Variants in ERG observed in about 807,000 individuals in gnomAD.
ERG encodes transcriptional regulator ERG.
In ERG, 9 loss-of-function variants were observed where a neutral mutation model predicts 55.3. The observed-to-expected ratio is 0.16, with a 90% CI of 0.10 to 0.28. The LOEUF (loss-of-function observed/expected upper bound fraction) is 0.28. Among genes scored for constraint, ERG ranks in the 10% least tolerant of loss-of-function variants. The probability of loss-of-function intolerance (pLI) is 1.00; values close to 1 mark genes in which losing one functional copy is unlikely to be tolerated. For missense variants in ERG, 434 were observed against 631.6 expected (o/e 0.69, Z 3.35); for synonymous variants, 223 against 237.3 (o/e 0.94, Z 0.55).
In ERG at chr21:38,556,820, C is replaced by T. The variant is rs1905152272; in HGVS notation, c.-41+18842G>A. On this transcript the variant is annotated intron_variant, in intron 2 of 8. Coordinates refer to the ERG transcript ENST00000398897. ...ACTGAGGAGACCCACCGCACCCAGACCCCCATACTGGACTGTTACAGGAGT... is the reference window on the plus strand; with the variant it reads ...ACTGAGGAGACCCACCGCACCCAGATCCCCATACTGGACTGTTACAGGAGT... 1.3e-5 allele frequency among the ~76,000 whole-genome samples: 2 copies of T among 152,188 alleles called. 1 individual carries two copies. The highest frequency in any genetic ancestry group is 4.8e-5 in the African/African-American group (2 of 41,438).
At chr21:38,639,116 C>T (rs2060408048) in intron 1 of ERG, among the ~76,000 whole-genome samples, 1 of 152,156 alleles carries the variant, frequency 6.6e-6, no homozygotes, top group South Asian at 2.1e-4. Flanking sequence ...AGAGAAAGAG[C>T]TACTTAGACA....
intron 1 of ERG, among the ~76,000 whole-genome samples, chr21:38,583,013 A>G (rs957635581): frequency 3.3e-5 from 5 of 152,262 alleles, no homozygotes; most frequent in African/African-American, 1.2e-4. Context: ...TCCTTAATTT[A>G]GAAATGTATT....
intron 3 of ERG, among the ~76,000 whole-genome samples, chr21:38,419,213 G>A (rs1989428773): frequency 6.6e-6 from 1 of 152,154 alleles, no homozygotes; most frequent in Non-Finnish European, 1.5e-5. Context: ...TACCCTTTGG[G>A]AAGGCACAAT....
At chr21:38,569,382 A>T (rs542699592) in intron 2 of ERG, among the ~76,000 whole-genome samples, 2 of 152,238 alleles carry the variant, frequency 1.3e-5, no homozygotes, top group African/African-American at 4.8e-5. Flanking sequence ...CAAGGAAGTC[A>T]CTTGACCAGC....
intron 2 of ERG, among the ~76,000 whole-genome samples, chr21:38,554,027 A>G (rs1014309116): frequency 3.3e-5 from 5 of 152,126 alleles, no homozygotes; most frequent in African/African-American, 1.2e-4. Context: ...CCAAAAAAAC[A>G]TGAAAAGACA....
rs560427794 is a variant in ERG at position 38,534,563 on chromosome 21, A to T, written c.-41+41099T>A. On this transcript the variant is annotated intron_variant, in intron 2 of 8. Transcript: ENST00000398897. The stretch of plus-strand genomic sequence containing the variant: ...GCTACTATGAAATATAAAAAAAATT[A>T]AAAATAACAATGGTGGCAAAAATAT... Among the ~76,000 whole-genome samples, 126 of 150,494 alleles carry T rather than the reference A, an allele frequency of 8.4e-4. 1 individual carries two copies. Among genetic ancestry groups the T allele is most frequent in the African/African-American group, 2.7e-3 (110 of 40,184 alleles).
intron 1 of ERG, among the ~76,000 whole-genome samples, chr21:38,612,984 T>C (rs34241145): frequency 0.063 from 9,562 of 152,220 alleles, 955 homozygotes; most frequent in African/African-American, 0.22. Flanking sequence ...TTCTAAGCAG[T>C]AGATATTTGC....
intron 3 of ERG, 121 bp from the exon 4 acceptor site, chr21:38,403,830 GCCTCC>G: frequency 8.2e-6 from 7 of 855,674 alleles, no homozygotes; most frequent in East Asian, 2.6e-5. Context: ...CCTCCAGCCA[GCCTCC>G]CTGGCTACCC....
intron 1 of ERG, among the ~76,000 whole-genome samples, chr21:38,635,882 A>T (rs1403599620): frequency 6.6e-6 from 1 of 152,186 alleles, no homozygotes; most frequent in African/African-American, 2.4e-5. Flanking sequence ...AGCTCTTGCA[A>T]TCACTAGTTC....
rs549588426 is a variant in ERG, at chr21:38,626,905, T to A, written c.-150+34753A>T. 3.9e-5 allele frequency among the ~76,000 whole-genome samples: 6 copies of A among 152,310 alleles called. No individual in the cohort carries two copies. In the East Asian group the frequency reaches 7.7e-4, roughly 20 times the overall value. On this transcript the variant is annotated intron_variant, in intron 1 of 10. Coordinates refer to the ERG transcript ENST00000398910. ...AAAGCCAAAAAATTTTGTATTCATT[T>A]TACTTGAAAGTATAATCCCTCATAT... is the stretch of plus-strand genomic sequence containing the variant.
At chr21:38,369,669 C>T in the ERG span, among the ~76,000 whole-genome samples, 3 of 152,104 alleles carry the variant, frequency 2.0e-5, no homozygotes, top group African/African-American at 7.2e-5. Context: ...TTGCTTTTGG[C>T]ATCTTCATCA....
chr21:38,505,965 G>T (rs1263440562), intron 2 of ERG, among the ~76,000 whole-genome samples: 1 of 151,574 alleles, frequency 6.6e-6, no homozygotes, highest in African/African-American at 2.4e-5. Context: ...TTTACAAAGT[G>T]GTCTCATTTT....
chr21:38,544,733 C>T (rs2146803713), intron 2 of ERG, among the ~76,000 whole-genome samples: 1 of 152,274 alleles, frequency 6.6e-6, no homozygotes, highest in South Asian at 2.1e-4. Context: ...GAAAAAAAAT[C>T]TCTAGTGAAA....
Position 38,391,518 on chromosome 21 carries a change from T to C in ERG, c.871+141A>G, listed in dbSNP as rs1987970548. On this transcript the variant is annotated intron_variant, in intron 8 of 9. Coordinates refer to ENST00000288319, the MANE Select transcript of ERG (RefSeq NM_182918.4). The stretch of plus-strand genomic sequence containing the variant: ...CACCTCGCATGAGTAGGCTGATGAC[T>C]TGGGCCCTATCTTATGTATGGAGCT... 9.0e-6 allele frequency: 6 copies of C among 663,040 alleles called. No homozygotes were observed. In the East Asian group the frequency reaches 1.6e-4, roughly 18 times the overall value. 41.1% of individuals were successfully genotyped at this position (663,040 alleles called of 1,614,324 possible).
chr21:38,524,140 C>T (rs184174506), intron 2 of ERG, among the ~76,000 whole-genome samples: 1 of 152,328 alleles, frequency 6.6e-6, no homozygotes, highest in East Asian at 1.9e-4. Flanking sequence ...CAAACCCAAG[C>T]TAGACAGTGA....
intron 1 of ERG, among the ~76,000 whole-genome samples, chr21:38,658,196 G>A (rs906475155): frequency 3.9e-5 from 6 of 152,222 alleles, no homozygotes; most frequent in Non-Finnish European, 8.8e-5. Context: ...GAAGCAAAGA[G>A]GTGACAAAAA....
chr21:38,482,800 C>G (rs543424646), intron 1 of ERG, among the ~76,000 whole-genome samples: 1 of 152,066 alleles, frequency 6.6e-6, no homozygotes, highest in South Asian at 2.1e-4. Flanking sequence ...GTCTTAGCCT[C>G]CCACATAGCT....
chr21:38,589,664 G>A (rs1004803800), upstream of ERG, among the ~76,000 whole-genome samples: 38 of 152,172 alleles, frequency 2.5e-4, no homozygotes, highest in African/African-American at 8.9e-4. Context: ...GTGGCACTTG[G>A]AACTGTGAGA....
chr21:38,541,203 T>G (rs1278190181), intron 2 of ERG, among the ~76,000 whole-genome samples: 2 of 152,186 alleles, frequency 1.3e-5, no homozygotes, highest in East Asian at 3.8e-4. Context: ...CTTTAAGAGT[T>G]CCGATGCTTG....
Sources: gnomAD v4.1 joint callset for allele counts (sites outside exome capture counted in the v4.1 genomes callset) on GRCh38, gnomAD v4.1.1 for gene constraint, MANE v1.5 for transcripts, NCBI Gene and HGNC (gene_info 2026-07-23, HGNC 2026-07-21) for gene names.